Variants in CHST9 observed in about 807,000 individuals in gnomAD.
CHST9 encodes GalNAc-4-sulfotransferase 2.
CHST9 carries 41 observed loss-of-function variants against 44.4 expected under a neutral mutation model. The ratio of observed to expected loss-of-function variants is 0.92; its 90% CI spans 0.72 to 1.20. CHST9 has a LOEUF of 1.20. CHST9 is among the 50% of genes most tolerant of loss of function. The pLI is 0.00. For synonymous variants in CHST9, 171 were observed against 178.4 expected, an observed-to-expected ratio of 0.96 and a Z score of 0.33; for missense variants, 504 against 516.5, an observed-to-expected ratio of 0.98 and a Z score of 0.23.
At chr18:27,044,413 T>C (rs2057476671) in intron 3 of CHST9, among the ~76,000 whole-genome samples, 2 of 152,026 alleles carry the variant, frequency 1.3e-5, no homozygotes, top group African/African-American at 4.8e-5. Context: ...GTCAAGAAAA[T>C]AGCTTTTATA....
chr18:27,178,748 A>G (rs1219673938), intron 1 of CHST9, among the ~76,000 whole-genome samples: 1 of 151,978 alleles, frequency 6.6e-6, no homozygotes, highest in African/African-American at 2.4e-5. Flanking sequence ...CACACCCCTT[A>G]CCCTCAACTT....
At chr18:27,022,132 G>A (rs974627861) in intron 4 of CHST9, among the ~76,000 whole-genome samples, 2 of 152,124 alleles carry the variant, frequency 1.3e-5, no homozygotes, top group African/African-American at 4.8e-5. Flanking sequence ...TTTCACAGAT[G>A]GTAAAATGGA....
intron 5 of CHST9, among the ~76,000 whole-genome samples, chr18:26,931,435 G>T (rs2055875955): frequency 6.6e-6 from 1 of 152,218 alleles, no homozygotes; most frequent in Admixed American, 6.5e-5. Context: ...CAGTACTGTA[G>T]CAAGTTGAAA....
intron 3 of CHST9, among the ~76,000 whole-genome samples, chr18:27,028,673 G>A (rs1428482875): frequency 3.3e-5 from 5 of 151,972 alleles, no homozygotes; most frequent in African/African-American, 1.2e-4. Context: ...TCAGCCTCCT[G>A]AGTAGCTGGG....
At chr18:27,071,729 T>C (rs1336162507) in intron 2 of CHST9, among the ~76,000 whole-genome samples, 2 of 152,322 alleles carry the variant, frequency 1.3e-5, no homozygotes, top group East Asian at 3.9e-4. Flanking sequence ...CAAAATGAAC[T>C]GTGCATTATT....
intron 3 of CHST9, 40 bp from the exon 4 acceptor site, chr18:27,024,197 C>T (rs1291281542): frequency 6.5e-7 from 1 of 1,539,278 alleles, no homozygotes; most frequent in Non-Finnish European, 8.9e-7. Context: ...ATTACCATCA[C>T]ATCCAAAGAC....
chr18:26,927,172 A>C (rs186314907), intron 5 of CHST9, among the ~76,000 whole-genome samples: 266 of 152,264 alleles, frequency 1.7e-3, no homozygotes, highest in Non-Finnish European at 3.2e-3. Context: ...AATGTGGTGA[A>C]GAGGAAGGAA....
At chr18:27,165,553 T>C (rs886760528) in intron 1 of CHST9, among the ~76,000 whole-genome samples, 1 of 152,140 alleles carries the variant, frequency 6.6e-6, no homozygotes, top group Non-Finnish European at 1.5e-5. Context: ...TAGATATTGT[T>C]GAGAGACAAA....
At chr18:27,018,408 T>G (rs1447459115) in intron 4 of CHST9, among the ~76,000 whole-genome samples, 1 of 151,990 alleles carries the variant, frequency 6.6e-6, no homozygotes, top group Non-Finnish European at 1.5e-5. Flanking sequence ...GCTAATTATT[T>G]TCATACAAGA....
intron 5 of CHST9, among the ~76,000 whole-genome samples, chr18:26,930,393 G>T (rs1005428417): frequency 6.6e-6 from 1 of 152,230 alleles, no homozygotes; most frequent in Non-Finnish European, 1.5e-5. Flanking sequence ...CAAGTGGGTT[G>T]TCATATGATG....
rs114590551 is a variant in CHST9, at chr18:27,166,671, T to C, written c.-97+18465A>G. On this transcript the variant is annotated intron_variant, in intron 1 of 5. Coordinates refer to ENST00000618847, the MANE Select transcript of CHST9 (RefSeq NM_031422.6). ...AACAGAAATAATGGTGCTTCATTAA[T>C]CTTTCTTAAACATTGCTTTTTAACT... 2.1e-3 allele frequency among the ~76,000 whole-genome samples: 321 copies of C among 152,346 alleles called. 2 individuals carry two copies. Among genetic ancestry groups the C allele is most frequent in the African/African-American group, 7.6e-3 (314 of 41,584 alleles).
rs2055532686 is a variant in CHST9, at chr18:26,916,718, C to T, written c.873G>A (p.Arg291=). The change falls in exon 6 of 6, where the codon AGG becomes AGA. Residue 291 remains arginine (R), a synonymous_variant. Coordinates refer to ENST00000618847, the MANE Select transcript of CHST9 (RefSeq NM_031422.6). ...AACTATTGGGGTGTTCAAATTTGTC[C>T]CTAAAGGCTGATACTAATCTTTCCA... ...DPMERLVSAF[R]DKFEHPNSYY... The T allele has an allele frequency of 1.2e-6, 2 of 1,613,622 alleles. No individual in the cohort carries two copies. The highest frequency in any genetic ancestry group is 1.3e-5 in the African/African-American group (1 of 74,832).
chr18:27,002,548 A>C (rs912458667), intron 4 of CHST9, among the ~76,000 whole-genome samples: 1 of 152,188 alleles, frequency 6.6e-6, no homozygotes, highest in Non-Finnish European at 1.5e-5. Context: ...AAATTACATG[A>C]GATATTCAAC....
rs1473614106 is a variant in CHST9, at chr18:26,915,244, A to G, written c.*1015T>C. ...GAACATAACCTATCTTTGAAGTGGTATATTAGTTTTTAAAAAGTCATTCCT... is the reference window on the plus strand; with the variant it reads ...GAACATAACCTATCTTTGAAGTGGTGTATTAGTTTTTAAAAAGTCATTCCT... On this transcript the variant is annotated 3_prime_UTR_variant, in exon 6 of 6. Coordinates refer to ENST00000618847, the MANE Select transcript of CHST9 (RefSeq NM_031422.6). 1.8e-5 allele frequency: 6 copies of G among 342,604 alleles called. No individual in the cohort carries two copies. The highest frequency in any genetic ancestry group is 4.7e-5 in the Admixed American group (1 of 21,116). 21.2% of individuals were successfully genotyped at this position (342,604 alleles called of 1,614,324 possible). A position where few individuals can be genotyped will look rare whatever the true frequency, so the allele number is the denominator to read the frequency against.
chr18:27,053,151 A>AGAAGAAGAAGAG (rs2057593292), intron 2 of CHST9, among the ~76,000 whole-genome samples: 7 of 142,488 alleles, frequency 4.9e-5, no homozygotes, highest in Admixed American at 1.4e-4. Context: ...AAGAAGAAGA[A>AGAAGAAGAAGAG]GAAGAAGAAG....
At chr18:27,101,631 A>T (rs1284522059) in intron 2 of CHST9, among the ~76,000 whole-genome samples, 5 of 133,078 alleles carry the variant, frequency 3.8e-5, no homozygotes, top group African/African-American at 1.1e-4. Flanking sequence ...AAATAAAAAT[A>T]AAAAATAAAA....
chr18:27,059,665 T>A (rs1181204116), intron 2 of CHST9, among the ~76,000 whole-genome samples: 1 of 152,200 alleles, frequency 6.6e-6, no homozygotes, highest in Non-Finnish European at 1.5e-5. Context: ...ATTGCTCTTT[T>A]TCCCCACACT....
At chr18:27,057,981 C>T (rs961085991) in intron 2 of CHST9, among the ~76,000 whole-genome samples, 9 of 152,186 alleles carry the variant, frequency 5.9e-5, no homozygotes, top group African/African-American at 2.2e-4. Flanking sequence ...CAACATTGGT[C>T]TGGCTGAATT....
At position 26,909,837 on chromosome 18, in the gene CHST9, G is replaced by A. The variant is rs1057405625; in HGVS notation, c.*6422C>T. 36 of 152,592 alleles carry A rather than the reference G, an allele frequency of 2.4e-4. No homozygotes were observed. The highest frequency in any genetic ancestry group is 8.5e-4 in the African/African-American group (35 of 41,412). 9.5% of individuals were successfully genotyped at this position (152,592 alleles called of 1,614,324 possible). A position where few individuals can be genotyped will look rare whatever the true frequency, so the allele number is the denominator to read the frequency against. On this transcript the variant is annotated 3_prime_UTR_variant, in exon 6 of 6. Coordinates refer to ENST00000618847, the MANE Select transcript of CHST9 (RefSeq NM_031422.6). Reference sequence around the variant, plus strand: ...GAGGAGGAGGTTGTCAGAGCATTAAGAAGCAAGAGAGTAGAATGTTACAGG... The same window carrying A: ...GAGGAGGAGGTTGTCAGAGCATTAAAAAGCAAGAGAGTAGAATGTTACAGG...
Sources: allele counts gnomAD v4.1 joint callset (sites outside exome capture counted in the v4.1 genomes callset), GRCh38; gene constraint gnomAD v4.1.1; transcripts MANE v1.5; gene names NCBI Gene and HGNC (gene_info 2026-07-23, HGNC 2026-07-21).